Variants in THAP7 observed in about 807,000 individuals in gnomAD.
The protein encoded by THAP7 is THAP domain containing 7.
THAP7 carries 22 observed loss-of-function variants against 29.2 expected under a neutral mutation model. The ratio of observed to expected loss-of-function variants is 0.75; its 90% CI spans 0.54 to 1.08. THAP7 has a LOEUF of 1.08. THAP7 is among the 50% of genes least tolerant of loss of function. The pLI, the probability that THAP7 is intolerant of heterozygous loss-of-function variation, is 0.00. For synonymous variants in THAP7, 208 were observed against 173.4 expected, an observed-to-expected ratio of 1.20 and a Z score of -1.57; for missense variants, 448 against 416.2, an observed-to-expected ratio of 1.08 and a Z score of -0.66.
At chr22:21,001,038 A>T in intron 2 of THAP7, 1 of 855,520 alleles carries the variant, frequency 1.2e-6, no homozygotes. Flanking sequence ...CTTGCTGGCA[A>T]GACTGGGGCT....
intron 1 of THAP7, 65 bp from the exon 2 acceptor site, chr22:21,001,476 C>T: frequency 6.4e-7 from 1 of 1,559,730 alleles, no homozygotes; most frequent in South Asian, 1.2e-5. Flanking sequence ...TGCCCAAGCA[C>T]CCCAGAGGGG....
Position 21,001,352 on chromosome 22 carries a change from TCCAGCCGCTGGCAGTTGG to T in THAP7, c.122_139del (p.Ala41_Leu46del). On this transcript the variant is annotated inframe_deletion, in exon 2 of 4. Transcript: ENST00000215742. ...GTCCCACAGGCCCTGGCCGCTGGGG[TCCAGCCGCTGGCAGTTGG>T]CCAGCCACAAGCCTCGCCTCGGGTT... 6.2e-7 allele frequency: 1 copy of T among 1,612,326 alleles called. No homozygotes were observed.
intron 2 of THAP7, 44 bp downstream of exon 2, chr22:21,001,212 G>A (rs56113960): frequency 0.015 from 23,724 of 1,604,068 alleles, 221 homozygotes; most frequent in Non-Finnish European, 0.018. Flanking sequence ...AGTCCGCCGG[G>A]AGCCCCACAT....
Position 21,000,293 on chromosome 22 carries a change from T to C in THAP7, c.517A>G (p.Ser173Gly). The change falls in exon 4 of 4, where the codon AGC (serine) becomes GGC (glycine). Residue 173 changes from serine (S) to glycine (G), a missense_variant. Ser to Gly is a moderately conservative substitution (Grantham distance 56). Coordinates refer to ENST00000215742, the MANE Select transcript of THAP7 (RefSeq NM_030573.3). ...PAGRLEPGLS[S>G]PFSDLLGPLG... ...GGGCCCAGTAGGTCTGAAAAGGGGC[T>C]GCTAAGGCCAGGCTCCAGCCTCCCA... 6.4e-7 allele frequency: 1 copy of C among 1,556,592 alleles called. No homozygotes were observed. Among genetic ancestry groups the C allele is most frequent in the East Asian group, 2.4e-5 (1 of 41,874 alleles).
chr22:21,001,637 C>A, intron 1 of THAP7, 195 bp downstream of exon 1: 1 of 898,124 alleles, frequency 1.1e-6, no homozygotes, highest in Non-Finnish European at 1.6e-6. Context: ...GGGGCGGGTC[C>A]AAGCCGGCTA....
chr22:21,000,775 C>T lies in THAP7; in HGVS notation c.249G>A (p.Arg83=). The change falls in exon 3 of 4, where the codon AGG becomes AGA. Residue 83 remains arginine, a synonymous_variant. Coordinates refer to ENST00000215742, the MANE Select transcript of THAP7 (RefSeq NM_030573.3). The part of the protein sequence containing the change: ...FELVGISGYH[R]LKEGAVPTIF... ...TGGTGGGGACTGCCCCCTCCTTTAG[C>T]CTGTGATATCCACTGCGGGGAAAAG... The T allele has an allele frequency of 1.2e-6, 2 of 1,614,158 alleles. No homozygotes were observed. The highest frequency in any genetic ancestry group is 1.7e-6 in the Non-Finnish European group (2 of 1,180,028).
Position 21,001,417 on chromosome 22 carries a change from G to C in THAP7, c.81-6C>G, listed in dbSNP as rs747628602. On this transcript the variant is annotated splice_polypyrimidine_tract_variant and splice_region_variant and intron_variant, in intron 1 of 3. Coordinates refer to ENST00000215742, the MANE Select transcript of THAP7 (RefSeq NM_030573.3). ...GGTTGTCCTTCTTGGGAAGTCTGTG[G>C]AGCCACAAACCCGTGAGCACCAGGC... is the stretch of plus-strand genomic sequence containing the variant. 6 of 1,613,182 alleles carry C rather than the reference G, an allele frequency of 3.7e-6. No individual in the cohort carries two copies. Among genetic ancestry groups the C allele is most frequent in the Non-Finnish European group, 5.1e-6 (6 of 1,179,902 alleles).
In THAP7 at chr22:20,999,440, G is replaced by C. The variant is rs1925021583; in HGVS notation, c.*440C>G. 6.0e-6 allele frequency: 1 copy of C among 166,984 alleles called. No individual in the cohort carries two copies. Among genetic ancestry groups the C allele is most frequent in the Admixed American group, 5.7e-5 (1 of 17,594 alleles). The allele number at this position is 166,984 out of a possible 1,614,324, so 10.3% of individuals were successfully genotyped here. ...CTGTCATGCTCCTGCTTGAGAACCG[G>C]ATCTAGACTGGGTTTTAGAAGTGTT... On this transcript the variant is annotated 3_prime_UTR_variant, in exon 4 of 4. Coordinates refer to ENST00000215742, the MANE Select transcript of THAP7 (RefSeq NM_030573.3).
chr22:21,000,512 C>T lies in THAP7; in HGVS notation c.378-80G>A, dbSNP rs917662304. ...CCCTCCACCAGCCCACCTGATCCAC[C>T]CTTAACACCCAAACCCGATCCACAG... On this transcript the variant is annotated intron_variant, in intron 3 of 3. Transcript: ENST00000215742. The T allele has an allele frequency of 1.9e-5, 29 of 1,558,324 alleles. 2 individuals are homozygous for T. The Admixed American group carries it at 2.0e-4, about 11-fold the overall frequency.
Position 21,000,865 on chromosome 22 carries a change from C to G in THAP7, c.237-78G>C, listed in dbSNP as rs1270159652. ...GCCAATCTGCCCCCAGCAGCAGCGCCGTGGGATGCTGGAAGGCATCGTGCA... is the reference window on the plus strand; with the variant it reads ...GCCAATCTGCCCCCAGCAGCAGCGCGGTGGGATGCTGGAAGGCATCGTGCA... On this transcript the variant is annotated intron_variant, in intron 2 of 3. Transcript: ENST00000215742. 6.3e-6 allele frequency: 10 copies of G among 1,590,790 alleles called. No individual in the cohort carries two copies. In the South Asian group the frequency reaches 6.8e-5, roughly 11 times the overall value.
chr22:21,000,684 G>C lies in THAP7; in HGVS notation c.340C>G (p.Pro114Ala). The C allele has an allele frequency of 6.2e-7, 1 of 1,614,162 alleles. No individual in the cohort carries two copies. Among genetic ancestry groups the C allele is most frequent in the Middle Eastern group, 1.6e-4 (1 of 6,062 alleles). ...KTKGHSYPPG[P>A]AEVSRLRRCR... is the part of the protein sequence containing the mutation. ...CGTCTGAGCCGGCTGACTTCAGCGG[G>C]GCCAGGTGGGTAACTGTGTCCTTTG... Residue 114 changes from proline (P) to alanine (A), a missense_variant, in exon 3 of 4, where the codon CCC (proline) becomes GCC (alanine). By Grantham distance (27) the Pro-to-Ala change is conservative (BLOSUM62 -1). Coordinates refer to ENST00000215742, the MANE Select transcript of THAP7 (RefSeq NM_030573.3).
chr22:21,001,646 T>C, intron 1 of THAP7, 186 bp downstream of exon 1: 2 of 886,410 alleles, frequency 2.3e-6, no homozygotes, highest in Non-Finnish European at 3.3e-6. Context: ...CCAAGCCGGC[T>C]AGACTTCCCG....
At chr22:21,001,154 C>A in intron 2 of THAP7, 102 bp downstream of exon 2, 1 of 1,513,050 alleles carries the variant, frequency 6.6e-7, no homozygotes, top group Non-Finnish European at 9.0e-7. Context: ...GAAACAGCCC[C>A]CTTGGACGCA....
chr22:21,000,497 G>A, intron 3 of THAP7, 65 bp from the exon 4 acceptor site: 1 of 1,543,054 alleles, frequency 6.5e-7, no homozygotes, highest in Non-Finnish European at 8.7e-7. Flanking sequence ...CCCTCCACCA[G>A]CCCACCTGAT....
intron 2 of THAP7, 58 bp from the exon 3 acceptor site, chr22:21,000,845 T>C (rs946157982): frequency 8.7e-6 from 14 of 1,607,532 alleles, no homozygotes; most frequent in Non-Finnish European, 1.1e-5. Flanking sequence ...CCCAGGCCAA[T>C]CTGCCCCCAG....
rs1238605986 is a variant in THAP7 at position 20,999,948 on chromosome 22, C to T, written c.862G>A (p.Asp288Asn). 13 of 1,612,448 alleles carry T rather than the reference C, an allele frequency of 8.1e-6. No homozygotes were observed. The highest frequency in any genetic ancestry group is 2.2e-5 in the East Asian group (1 of 44,884). ...ERAREKRAQA[D>N]ARQTLKEHVQ... ...TGCTCCTTCAGAGTCTGGCGGGCATCTGCCTGTGCCCGCTTCTCCCGTGCC... is the reference window on the plus strand; with the variant it reads ...TGCTCCTTCAGAGTCTGGCGGGCATTTGCCTGTGCCCGCTTCTCCCGTGCC... The change falls in exon 4 of 4, where the codon GAT (aspartate) becomes AAT (asparagine). Residue 288 changes from aspartate (D) to asparagine (N), a missense_variant. Coordinates refer to ENST00000215742, the MANE Select transcript of THAP7 (RefSeq NM_030573.3).
At position 20,999,634 on chromosome 22, in the gene THAP7, G is replaced by A; in HGVS notation, c.*246C>T. 1 of 553,470 alleles carries A rather than the reference G, an allele frequency of 1.8e-6. No homozygotes were observed. The allele number at this position is 553,470 out of a possible 1,614,324, so 34.3% of individuals were successfully genotyped here. On this transcript the variant is annotated 3_prime_UTR_variant, in exon 4 of 4. Transcript: ENST00000215742. ...CTGCCACCTGTCTACCAGTAGCTCTGAGGGGTGAGAGCCAGGCTCCCTGTT... is the reference window on the plus strand; with the variant it reads ...CTGCCACCTGTCTACCAGTAGCTCTAAGGGGTGAGAGCCAGGCTCCCTGTT...
At position 21,000,346 on chromosome 22, in the gene THAP7, G is replaced by T; in HGVS notation, c.464C>A (p.Ala155Glu). Residue 155 changes from alanine (A) to glutamate (E), a missense_variant, in exon 4 of 4, where the codon GCA (alanine) becomes GAA (glutamate). Transcript: ENST00000215742. ...VTCFPVEEASAPATLPASPAG... is the reference protein window; with the variant it reads ...VTCFPVEEASEPATLPASPAG... The stretch of plus-strand genomic sequence containing the variant: ...TGGGGAGGCCGGCAAAGTGGCAGGT[G>T]CTGAGGCCTCTTCCACAGGAAAGCA... 1 of 1,553,120 alleles carries T rather than the reference G, an allele frequency of 6.4e-7. No homozygotes were observed. Among genetic ancestry groups the T allele is most frequent in the East Asian group, 2.4e-5 (1 of 41,264 alleles).
chr22:21,001,052 A>G, intron 2 of THAP7: 1 of 879,332 alleles, frequency 1.1e-6, no homozygotes, highest in Non-Finnish European at 1.7e-6. Context: ...TGGGGCTCTG[A>G]AAGATACTCT....
Sources: gnomAD v4.1 joint callset for allele counts on GRCh38, gnomAD v4.1.1 for gene constraint, MANE v1.5 for transcripts, NCBI Gene and HGNC (gene_info 2026-07-23, HGNC 2026-07-21) for gene names.